The following GMPR variants were observed in gnomAD, a reference collection of about 807,000 sequenced individuals.
The protein encoded by GMPR is GMP reductase 1.
A neutral mutation model predicts 38.4 loss-of-function variants in GMPR; 31 were observed. That is an observed-to-expected ratio of 0.81 (90% CI 0.61 to 1.09). The LOEUF (loss-of-function observed/expected upper bound fraction) is 1.09, where lower values mean the gene tolerates loss of function less well. Among genes scored for constraint, GMPR ranks in the 50% least tolerant of loss-of-function variants. The pLI is 0.00. For synonymous variants in GMPR, 162 were observed against 173.3 expected (o/e 0.93, Z 0.51); for missense variants, 468 against 453.7 (o/e 1.03, Z -0.29).
chr6:16,268,987 AAAAAAT>A (rs1473107344), intron 4 of GMPR, among the ~76,000 whole-genome samples: 1 of 151,630 alleles, frequency 6.6e-6, no homozygotes. Flanking sequence ...CCCTTCACGA[AAAAAAT>A]AAAAATTATT....
intron 7 of GMPR, among the ~76,000 whole-genome samples, chr6:16,288,314 G>A (rs1206108684): frequency 6.6e-6 from 1 of 152,228 alleles, no homozygotes; most frequent in South Asian, 2.1e-4. Context: ...CTGGAGTTCC[G>A]GGTGGGTGTG....
intron 1 of GMPR, among the ~76,000 whole-genome samples, chr6:16,246,056 G>A (rs969934549): frequency 2.0e-5 from 3 of 152,230 alleles, no homozygotes; most frequent in South Asian, 2.1e-4. Context: ...AGAGCAGGCT[G>A]AGGATGGTGG....
chr6:16,264,064 C>T (rs1215640643), intron 4 of GMPR, among the ~76,000 whole-genome samples: 1 of 151,974 alleles, frequency 6.6e-6, no homozygotes, highest in Non-Finnish European at 1.5e-5. Flanking sequence ...CCAAGGCAGG[C>T]ATCCCTGCGT....
In GMPR at chr6:16,238,755, G is replaced by T; in HGVS notation, c.62G>T (p.Arg21Leu). ...AAGGATGTCCTGCTCCGACCTAAGC[G>T]GAGCAGCCTCAAGAGCCGAGCCGAG... ...DFKDVLLRPKRSSLKSRAEVD... is the reference protein window; with the variant it reads ...DFKDVLLRPKLSSLKSRAEVD... The change falls in exon 1 of 9, where the codon CGG (arginine) becomes CTG (leucine). Residue 21 changes from arginine (R) to leucine (L), a missense_variant. Physicochemically the swap from Arg to Leu is moderately radical, Grantham distance 102. Transcript: ENST00000259727. 6.8e-7 allele frequency: 1 copy of T among 1,471,140 alleles called. No individual in the cohort carries two copies. Among genetic ancestry groups the T allele is most frequent in the Non-Finnish European group, 9.1e-7 (1 of 1,098,164 alleles). 91.1% of individuals were successfully genotyped at this position (1,471,140 alleles called of 1,614,324 possible).
intron 6 of GMPR, among the ~76,000 whole-genome samples, chr6:16,285,017 C>CAAAAAAAAAAAAAAAAAAA (rs1230598044): frequency 5.7e-5 from 2 of 35,096 alleles, no homozygotes; most frequent in Middle Eastern, 0.011. Flanking sequence ...GAGACTGTCT[C>CAAAAAAAAAAAAAAAAAAA]AAAAAAAAAA....
In GMPR at chr6:16,279,953, G is replaced by A. The variant is rs552863245; in HGVS notation, c.654+1063G>A. Among the ~76,000 whole-genome samples, 266 of 152,310 alleles carry A rather than the reference G, an allele frequency of 1.7e-3. 4 individuals carry two copies. Among genetic ancestry groups the A allele is most frequent in the African/African-American group, 6.0e-3 (251 of 41,572 alleles). ...CAGGAGGGGGAGGTGACTGTGCTCT[G>A]CAGCAGGCTTGAGAGCCATCTCCAG... On this transcript the variant is annotated intron_variant, in intron 6 of 8. Coordinates refer to ENST00000259727, the MANE Select transcript of GMPR (RefSeq NM_006877.4).
intron 7 of GMPR, chr6:16,290,193 TA>T: frequency 2.7e-6 from 1 of 368,628 alleles, no homozygotes; most frequent in Admixed American, 3.7e-5. Context: ...AGTTAGCCAT[TA>T]AAAGCCATTC....
intron 6 of GMPR, among the ~76,000 whole-genome samples, chr6:16,279,368 C>G (rs1227799283): frequency 6.6e-6 from 1 of 152,204 alleles, no homozygotes; most frequent in Non-Finnish European, 1.5e-5. Context: ...GTGTGTGTCT[C>G]TGTGTGCAAA....
chr6:16,274,807 T>C (rs1276095660), intron 5 of GMPR, among the ~76,000 whole-genome samples: 1 of 152,118 alleles, frequency 6.6e-6, no homozygotes, highest in African/African-American at 2.4e-5. Flanking sequence ...CCCATACACC[T>C]TGCAGAGGAA....
Position 16,254,639 on chromosome 6 carries a change from T to C in GMPR, c.369T>C (p.Val123=), listed in dbSNP as rs1341567620. ...MTSILEAVPQ[V]KFICLDVANG... The stretch of plus-strand genomic sequence containing the variant: ...GCATCCTGGAAGCTGTGCCACAGGT[T>C]AAGTTTATTTGCCTGGATGTGGCCA... The change falls in exon 4 of 9, where the codon GTT becomes GTC. Residue 123 remains valine (V), a synonymous_variant. Coordinates refer to ENST00000259727, the MANE Select transcript of GMPR (RefSeq NM_006877.4). 6.2e-7 allele frequency: 1 copy of C among 1,613,422 alleles called. No individual in the cohort carries two copies.
intron 6 of GMPR, among the ~76,000 whole-genome samples, chr6:16,283,701 C>G (rs1382748969): frequency 6.6e-6 from 1 of 152,210 alleles, no homozygotes; most frequent in Non-Finnish European, 1.5e-5. Context: ...GCTCCTGATT[C>G]AGGCCTCATC....
At chr6:16,258,794 C>T (rs984048207) in intron 4 of GMPR, among the ~76,000 whole-genome samples, 4 of 152,134 alleles carry the variant, frequency 2.6e-5, no homozygotes, top group African/African-American at 7.2e-5. Context: ...ATTGTGAAGA[C>T]GCATTCACAT....
intron 4 of GMPR, among the ~76,000 whole-genome samples, chr6:16,268,302 G>A (rs941945976): frequency 2.0e-5 from 3 of 152,168 alleles, no homozygotes; most frequent in Non-Finnish European, 4.4e-5. Flanking sequence ...AACAGTCACT[G>A]GGGTTGATAC....
chr6:16,272,368 A>G (rs1202854707), intron 4 of GMPR, among the ~76,000 whole-genome samples: 5 of 152,236 alleles, frequency 3.3e-5, no homozygotes, highest in Admixed American at 3.3e-4. Flanking sequence ...ACTTATGATT[A>G]TTTCCTTGGC....
chr6:16,274,449 A>G lies in GMPR; in HGVS notation c.500A>G (p.Glu167Gly). The change falls in exon 5 of 9, where the codon GAG becomes GGG. Residue 167 changes from glutamate to glycine, a missense_variant. Physicochemically the swap from Glu to Gly is moderately conservative, Grantham distance 98 (BLOSUM62 -2). Coordinates refer to ENST00000259727, the MANE Select transcript of GMPR (RefSeq NM_006877.4). ...GNVVTGEMVE[E>G]LILSGADIIK... is the part of the protein sequence containing the mutation. Reference sequence around the variant, plus strand: ...GTGGTGACAGGAGAAATGGTAGAAGAGCTTATTCTTTCCGGAGCAGATATC... The same window carrying G: ...GTGGTGACAGGAGAAATGGTAGAAGGGCTTATTCTTTCCGGAGCAGATATC... 6.2e-7 allele frequency: 1 copy of G among 1,610,218 alleles called. No individual in the cohort carries two copies.
intron 4 of GMPR, among the ~76,000 whole-genome samples, chr6:16,266,829 T>C (rs1353545643): frequency 6.6e-6 from 1 of 151,728 alleles, no homozygotes; most frequent in African/African-American, 2.4e-5. Flanking sequence ...ACACTCACTG[T>C]GAAGGTCGTG....
In GMPR at chr6:16,261,125, G is replaced by C. The variant is rs550882687; in HGVS notation, c.465+6390G>C. ...CTAAAACAGTAAGGTCAAGTTGTTT[G>C]CACAGAAAGGCTACAGGGTGCGGTC... On this transcript the variant is annotated intron_variant, in intron 4 of 8. Transcript: ENST00000259727. 1.4e-3 allele frequency among the ~76,000 whole-genome samples: 211 copies of C among 152,096 alleles called. 3 individuals are homozygous for C. The highest frequency in any genetic ancestry group is 4.8e-3 in the African/African-American group (199 of 41,542).
chr6:16,280,796 C>T (rs903654988), intron 6 of GMPR, among the ~76,000 whole-genome samples: 2 of 152,180 alleles, frequency 1.3e-5, no homozygotes, highest in Non-Finnish European at 2.9e-5. Flanking sequence ...GTCTCCATTA[C>T]CTAATAATGT....
rs114157647 is a variant in GMPR, at chr6:16,241,363, C to G, written c.87+2583C>G. On this transcript the variant is annotated intron_variant, in intron 1 of 8. Transcript: ENST00000259727. ...CGGACAGTAAGAGTGATCTCCCCCTCAGAAGCTTCAGGACTCCTGCAAGGA... is the reference window on the plus strand; with the variant it reads ...CGGACAGTAAGAGTGATCTCCCCCTGAGAAGCTTCAGGACTCCTGCAAGGA... Among the ~76,000 whole-genome samples, 1,269 of 152,286 alleles carry G rather than the reference C, an allele frequency of 8.3e-3. 21 individuals are homozygous for G. Among genetic ancestry groups the G allele is most frequent in the East Asian group, 0.069 (355 of 5,172 alleles).
Sources: allele counts gnomAD v4.1 joint callset (sites outside exome capture counted in the v4.1 genomes callset), GRCh38; gene constraint gnomAD v4.1.1; transcripts MANE v1.5; gene names NCBI Gene and HGNC (gene_info 2026-07-23, HGNC 2026-07-21).